CFAP251: variants seen among roughly 807,000 people sequenced by gnomAD.
CFAP251 encodes the protein cilia and flagella associated protein 251, also known as cilia- and flagella-associated protein 251.
Under a neutral mutation model 126.7 loss-of-function variants are expected in CFAP251, and 93 were observed. That is an observed-to-expected ratio of 0.73 (90% CI 0.62 to 0.87). The LOEUF (loss-of-function observed/expected upper bound fraction) is 0.87, where lower values mean the gene tolerates loss of function less well. CFAP251 is among the 40% of genes least tolerant of loss of function. The pLI, the probability that CFAP251 is intolerant of heterozygous loss-of-function variation, is 0.00. For missense variants in CFAP251, 1,287 were observed against 1,389.2 expected (o/e 0.93, Z 1.17); for synonymous variants, 503 against 506.9 (o/e 0.99, Z 0.10).
intron 17 of CFAP251, chr12:121,969,273 G>A (rs1882255859): frequency 4.1e-6 from 4 of 985,442 alleles, no homozygotes; most frequent in Non-Finnish European, 4.8e-6. Flanking sequence ...AACCACGGTG[G>A]TTTGAGATTG....
intron 5 of CFAP251, among the ~76,000 whole-genome samples, chr12:121,939,163 T>A (rs1057397913): frequency 1.4e-4 from 21 of 152,136 alleles, no homozygotes; most frequent in African/African-American, 5.1e-4. Context: ...CACAACATTG[T>A]TGGTGTGATG....
At chr12:121,951,398 T>G in intron 8 of CFAP251, 82 bp from the exon 9 acceptor site, 2 of 930,406 alleles carry the variant, frequency 2.1e-6, no homozygotes, top group Middle Eastern at 2.3e-4. Context: ...TTAGATGTAT[T>G]TGTTTTGCTT....
At chr12:121,934,802 A>C (rs1033549403) in intron 5 of CFAP251, among the ~76,000 whole-genome samples, 1 of 152,094 alleles carries the variant, frequency 6.6e-6, no homozygotes, top group Non-Finnish European at 1.5e-5. Flanking sequence ...ACAACCCACC[A>C]TTGCCTCCTT....
chr12:121,938,799 A>G (rs984331331), intron 5 of CFAP251, among the ~76,000 whole-genome samples: 57 of 148,766 alleles, frequency 3.8e-4, no homozygotes, highest in African/African-American at 1.3e-3. Flanking sequence ...CCTGGCCAAC[A>G]TGGTGAAACC....
chr12:121,979,596 G>A, intron 19 of CFAP251, among the ~76,000 whole-genome samples: 1 of 85,030 alleles, frequency 1.2e-5, no homozygotes, highest in South Asian at 4.5e-4. Context: ...ACAGCATCTT[G>A]CTCTGTCACG....
At chr12:121,998,073 C>G (rs1337751536) in intron 19 of CFAP251, 1 of 150,724 alleles carries the variant, frequency 6.6e-6, no homozygotes, top group Non-Finnish European at 1.5e-5. Flanking sequence ...TTTTTTAAGA[C>G]AGGGTCTCAC....
intron 17 of CFAP251, chr12:121,969,670 T>C: frequency 1.1e-6 from 1 of 883,332 alleles, no homozygotes; most frequent in African/African-American, 1.8e-5. Flanking sequence ...AAAATTTTTT[T>C]TGTCGATACA....
chr12:121,961,728 TGAG>T (rs1188058699), intron 14 of CFAP251, among the ~76,000 whole-genome samples: 1 of 152,370 alleles, frequency 6.6e-6, no homozygotes, highest in South Asian at 2.1e-4. Flanking sequence ...AGGGAAGTTC[TGAG>T]GATGACATGA....
chr12:121,974,361 G>A lies in CFAP251; in HGVS notation c.2772-883G>A, dbSNP rs868465781. On this transcript the variant is annotated intron_variant, in intron 17 of 21. Transcript: ENST00000288912. The surrounding 1 kb of genome is among the most constrained non-coding windows in gnomAD (Gnocchi z 4.6). ...CAGCATGAAAACAGACTAGAATACC[G>A]TGTCTGCGTTTATTTATTAATTCTT... Among the ~76,000 whole-genome samples, 40 of 152,232 alleles carry A rather than the reference G, an allele frequency of 2.6e-4. No individual in the cohort carries two copies. The highest frequency in any genetic ancestry group is 3.4e-3 in the Middle Eastern group (1 of 294).
intron 7 of CFAP251, chr12:121,948,643 C>A (rs1881407250): frequency 5.8e-6 from 1 of 171,198 alleles, no homozygotes; most frequent in South Asian, 1.4e-4. Flanking sequence ...TTACTTGAAC[C>A]CAGGAGATAG....
chr12:121,964,384 T>C (rs1293473174), intron 15 of CFAP251, among the ~76,000 whole-genome samples: 1 of 152,212 alleles, frequency 6.6e-6, no homozygotes, highest in Non-Finnish European at 1.5e-5. Flanking sequence ...CTCTCAGATA[T>C]GCGCAGTCCT....
At chr12:121,931,720 T>C in intron 3 of CFAP251, 26 bp from the exon 4 acceptor site, 1 of 1,531,150 alleles carries the variant, frequency 6.5e-7, no homozygotes, top group Non-Finnish European at 8.7e-7. Flanking sequence ...CTGTAATGTC[T>C]TGCTGGCTTT....
chr12:121,994,708 T>G (rs1303663148), intron 19 of CFAP251, among the ~76,000 whole-genome samples: 2 of 73,370 alleles, frequency 2.7e-5, no homozygotes, highest in Non-Finnish European at 5.4e-5. Context: ...CAGGGTTAAA[T>G]GGATTAAGGG....
At chr12:121,973,004 C>A (rs771311275) in intron 17 of CFAP251, among the ~76,000 whole-genome samples, 2 of 152,222 alleles carry the variant, frequency 1.3e-5, no homozygotes, top group Non-Finnish European at 2.9e-5. Context: ...ATCTGCAAGA[C>A]AATGGGGAAA....
At chr12:121,962,803 A>C (rs1170055823) in intron 15 of CFAP251, among the ~76,000 whole-genome samples, 1 of 151,960 alleles carries the variant, frequency 6.6e-6, no homozygotes, top group African/African-American at 2.4e-5. Flanking sequence ...AGACTTGAAG[A>C]AAGTGAGGGG....
At chr12:121,975,219 A>C in intron 17 of CFAP251, 25 bp from the exon 18 acceptor site, 33 of 1,604,916 alleles carry the variant, frequency 2.1e-5, no homozygotes, top group African/African-American at 2.7e-5. Context: ...GCTTTCTAAT[A>C]GAGACATTTC....
At chr12:121,993,752 G>A (rs1303095928) in intron 19 of CFAP251, among the ~76,000 whole-genome samples, 1 of 151,360 alleles carries the variant, frequency 6.6e-6, no homozygotes, top group East Asian at 2.0e-4. Flanking sequence ...TCTGAGAAGT[G>A]AGGAGCCCCT....
At chr12:121,928,648 ATATATATACGTATATATATACG>A (rs1880528666) in intron 3 of CFAP251, among the ~76,000 whole-genome samples, 1 of 48,556 alleles carries the variant, frequency 2.1e-5, no homozygotes, top group African/African-American at 4.2e-5. Context: ...GTATATATAT[ATATATATACGTATATATATACG>A]TATATATATA....
chr12:121,978,417 A>AAAAAAAAAAAAAAAAAAAAAAAAAAC (rs1882535246), intron 19 of CFAP251, among the ~76,000 whole-genome samples: 1 of 142,018 alleles, frequency 7.0e-6, no homozygotes, highest in African/African-American at 2.5e-5. Flanking sequence ...AAAAAAAAAA[A>AAAAAAAAAAAAAAAAAAAAAAAAAAC]AAAATTATCC....
Sources: allele counts gnomAD v4.1 joint callset (sites outside exome capture counted in the v4.1 genomes callset), GRCh38; gene constraint gnomAD v4.1.1; non-coding constraint Gnocchi (gnomAD v3.1); transcripts MANE v1.5; gene names NCBI Gene and HGNC (gene_info 2026-07-23, HGNC 2026-07-21).